The following GRIK1 variants were observed in gnomAD, a reference collection of about 807,000 sequenced individuals.
The protein encoded by GRIK1 is glutamate receptor ionotropic, kainate 1.
A neutral mutation model predicts 105.7 loss-of-function variants in GRIK1; 69 were observed. That is an observed-to-expected ratio of 0.65 (90% CI 0.54 to 0.80). GRIK1 has a LOEUF of 0.80. Ranked by LOEUF, GRIK1 falls within the 30% of genes least tolerant of loss-of-function variation. GRIK1 has a pLI of 0.00. For missense variants in GRIK1, 1,109 were observed against 1,167.3 expected (o/e 0.95, Z 0.73); for synonymous variants, 438 against 431.3 (o/e 1.02, Z -0.19).
At position 29,872,217 on chromosome 21, in the gene GRIK1, G is replaced by A. The variant is rs534480479; in HGVS notation, c.118+67166C>T. ...CTTTTTTTTTTTTTTTTTTTGAGAC[G>A]GAGTCTCGCTCTGTCGCCCAGGCTG... On this transcript the variant is annotated intron_variant, in intron 1 of 17. Transcript: ENST00000327783. Among the ~76,000 whole-genome samples the A allele has an allele frequency of 1.2e-3, 174 of 140,168 alleles. 1 individual carries two copies. The highest frequency in any genetic ancestry group is 1.8e-3 in the Non-Finnish European group (121 of 65,658). 92.0% of individuals were successfully genotyped at this position (140,168 alleles called of 152,430 possible).
At chr21:29,788,826 A>G (rs2066334021) in intron 1 of GRIK1, among the ~76,000 whole-genome samples, 1 of 152,118 alleles carries the variant, frequency 6.6e-6, no homozygotes, top group Non-Finnish European at 1.5e-5. Flanking sequence ...ACAATTCATA[A>G]TAGGGTTCAC....
At chr21:29,929,312 T>C (rs2071487941) in intron 1 of GRIK1, among the ~76,000 whole-genome samples, 1 of 152,172 alleles carries the variant, frequency 6.6e-6, no homozygotes, top group African/African-American at 2.4e-5. Flanking sequence ...TAATCGAGAA[T>C]CTACAAAATC....
intron 1 of GRIK1, among the ~76,000 whole-genome samples, chr21:29,727,020 C>G (rs1287707050): frequency 6.6e-6 from 1 of 152,104 alleles, no homozygotes; most frequent in Non-Finnish European, 1.5e-5. Context: ...ACTGAAACCT[C>G]TTCTTTCCAG....
chr21:29,724,765 A>G (rs956780125), intron 1 of GRIK1, among the ~76,000 whole-genome samples: 3 of 152,174 alleles, frequency 2.0e-5, no homozygotes, highest in African/African-American at 7.2e-5. Context: ...ATAGAGCCTG[A>G]ATTAAGGGGC....
At chr21:29,933,607 T>A (rs545961519) in intron 1 of GRIK1, among the ~76,000 whole-genome samples, 2 of 152,236 alleles carry the variant, frequency 1.3e-5, no homozygotes, top group East Asian at 3.9e-4. Flanking sequence ...CTCACCCTGT[T>A]CATTAACATA....
At chr21:29,623,028 A>G (rs754919150) in intron 7 of GRIK1, among the ~76,000 whole-genome samples, 1 of 152,194 alleles carries the variant, frequency 6.6e-6, no homozygotes, top group Non-Finnish European at 1.5e-5. Flanking sequence ...ACTATATATC[A>G]TCTCAGTTAT....
intron 4 of GRIK1, among the ~76,000 whole-genome samples, chr21:29,664,615 C>CAA (rs549480994): frequency 1.4e-5 from 2 of 142,862 alleles, no homozygotes; most frequent in African/African-American, 5.1e-5. Flanking sequence ...CTCTACGGGC[C>CAA]AAAAAAAAAA....
chr21:29,537,912 AT>A (rs2089908177), intron 16 of GRIK1, 28 bp from the exon 17 acceptor site: 4 of 1,023,750 alleles, frequency 3.9e-6, no homozygotes, highest in Non-Finnish European at 6.0e-6. Context: ...AAAAAAAACA[AT>A]TTTAAATTGT....
intron 1 of GRIK1, among the ~76,000 whole-genome samples, chr21:29,783,971 C>G (rs1256311984): frequency 6.6e-6 from 1 of 152,154 alleles, no homozygotes; most frequent in Non-Finnish European, 1.5e-5. Context: ...CGCTCTGTCG[C>G]CCAGGCTGGA....
At chr21:29,655,408 C>CAA (rs542773946) in intron 4 of GRIK1, among the ~76,000 whole-genome samples, 6 of 135,854 alleles carry the variant, frequency 4.4e-5, no homozygotes, top group Non-Finnish European at 4.8e-5. Context: ...AACTCCGTCT[C>CAA]AAAAAAAAAA....
intron 1 of GRIK1, among the ~76,000 whole-genome samples, chr21:29,789,009 C>T (rs1293578693): frequency 6.6e-6 from 1 of 152,162 alleles, no homozygotes; most frequent in Non-Finnish European, 1.5e-5. Flanking sequence ...TGGTTGGGGA[C>T]CTCTGTTACA....
intron 1 of GRIK1, among the ~76,000 whole-genome samples, chr21:29,812,378 G>A (rs1173154752): frequency 6.6e-6 from 1 of 152,124 alleles, no homozygotes; most frequent in Non-Finnish European, 1.5e-5. Context: ...ATTCAAGAAA[G>A]CATATATGAA....
At chr21:29,815,728 A>T (rs528117784) in intron 1 of GRIK1, among the ~76,000 whole-genome samples, 5 of 152,314 alleles carry the variant, frequency 3.3e-5, no homozygotes, top group African/African-American at 1.2e-4. Flanking sequence ...AGCTATGAGC[A>T]CAATTAAAAA....
chr21:29,576,675 T>C (rs1017470817), intron 14 of GRIK1, among the ~76,000 whole-genome samples: 2 of 151,942 alleles, frequency 1.3e-5, no homozygotes, highest in African/African-American at 4.8e-5. Flanking sequence ...TTTTTTTTTC[T>C]GGTGTAAAGG....
intron 1 of GRIK1, among the ~76,000 whole-genome samples, chr21:29,798,438 T>C (rs2066615104): frequency 6.6e-6 from 1 of 152,246 alleles, no homozygotes; most frequent in African/African-American, 2.4e-5. Flanking sequence ...CAAGTTCTTT[T>C]TCTTACAACT....
At chr21:29,880,455 A>C (rs539220621) in intron 1 of GRIK1, among the ~76,000 whole-genome samples, 15 of 152,238 alleles carry the variant, frequency 9.9e-5, no homozygotes, top group Admixed American at 4.6e-4. Context: ...CTTCCTGTTC[A>C]CATAGGAAGT....
Position 29,764,426 on chromosome 21 carries a change from T to C in GRIK1, c.119-70363A>G, listed in dbSNP as rs1203661712. Among the ~76,000 whole-genome samples the C allele has an allele frequency of 2.6e-5, 4 of 152,320 alleles. 1 individual carries two copies. Among genetic ancestry groups the C allele is most frequent in the African/African-American group, 9.6e-5 (4 of 41,576 alleles). On this transcript the variant is annotated intron_variant, in intron 1 of 17. Transcript: ENST00000327783. ...GTCTCTAGGCAGAGTTAATTAGTGTTAGTTAACAGCATTAGTGTACCCACA... is the reference window on the plus strand; with the variant it reads ...GTCTCTAGGCAGAGTTAATTAGTGTCAGTTAACAGCATTAGTGTACCCACA...
chr21:29,663,619 G>A (rs2063007773), intron 4 of GRIK1, among the ~76,000 whole-genome samples: 1 of 152,122 alleles, frequency 6.6e-6, no homozygotes, highest in Admixed American at 6.6e-5. Flanking sequence ...AGAAAGGATA[G>A]TTTCTAAAAT....
intron 1 of GRIK1, among the ~76,000 whole-genome samples, chr21:29,725,453 C>T (rs1160155240): frequency 6.6e-6 from 1 of 152,176 alleles, no homozygotes; most frequent in Non-Finnish European, 1.5e-5. Flanking sequence ...CAAGCATATA[C>T]ATTATTTAAA....
Sources: allele counts gnomAD v4.1 joint callset (sites outside exome capture counted in the v4.1 genomes callset), GRCh38; gene constraint gnomAD v4.1.1; transcripts MANE v1.5; gene names NCBI Gene and HGNC (gene_info 2026-07-23, HGNC 2026-07-21).